The following GPHN variants were observed in gnomAD, a reference collection of about 807,000 sequenced individuals.
The protein encoded by GPHN is gephyrin.
Under a neutral mutation model 95.5 loss-of-function variants are expected in GPHN, and 17 were observed. That is an observed-to-expected ratio of 0.18 (90% CI 0.12 to 0.27). GPHN has a LOEUF of 0.27. GPHN is among the 10% of genes least tolerant of loss of function. The probability of loss-of-function intolerance (pLI) is 1.00; values close to 1 mark genes in which losing one functional copy is unlikely to be tolerated. For missense variants in GPHN, 660 were observed against 978.1 expected, an observed-to-expected ratio of 0.67 and a Z score of 4.34; for synonymous variants, 320 against 322.5, an observed-to-expected ratio of 0.99 and a Z score of 0.08.
At chr14:66,959,516 T>C (rs543305906) in intron 8 of GPHN, among the ~76,000 whole-genome samples, 5 of 152,228 alleles carry the variant, frequency 3.3e-5, no homozygotes, top group Admixed American at 3.3e-4. Context: ...TCTTCGTTTT[T>C]GAAGTTTAGT....
the GPHN span, among the ~76,000 whole-genome samples, chr14:67,463,109 C>G: frequency 6.6e-6 from 1 of 152,150 alleles, no homozygotes; most frequent in Admixed American, 6.5e-5. Context: ...GTGAAAAATC[C>G]CTGTGGCAAT....
chr14:67,408,291 TAAATAAATA>T, the GPHN span, among the ~76,000 whole-genome samples: 2 of 95,914 alleles, frequency 2.1e-5, no homozygotes, highest in African/African-American at 5.3e-5. Flanking sequence ...GGTCTCAAAA[TAAATAAATA>T]AAATAAAATA....
chr14:67,464,024 CT>C, the GPHN span, among the ~76,000 whole-genome samples: 3 of 152,062 alleles, frequency 2.0e-5, no homozygotes, highest in Admixed American at 2.0e-4. Flanking sequence ...ACAGGCCCAG[CT>C]CACAGAGGTT....
intron 11 of GPHN, among the ~76,000 whole-genome samples, chr14:67,061,914 C>T (rs1393207823): frequency 4.6e-5 from 7 of 152,152 alleles, no homozygotes; most frequent in Admixed American, 1.3e-4. Flanking sequence ...GCTTAAGATG[C>T]TTCTCCTTTA....
the GPHN span, chr14:67,660,062 C>A: frequency 1.2e-6 from 1 of 853,202 alleles, no homozygotes; most frequent in Non-Finnish European, 1.8e-6. Flanking sequence ...GAGGCAGGGA[C>A]CATGTCTGGC....
At chr14:66,768,824 T>A (rs1373389182) in intron 2 of GPHN, among the ~76,000 whole-genome samples, 2 of 151,910 alleles carry the variant, frequency 1.3e-5, no homozygotes, top group East Asian at 3.8e-4. Context: ...TAAGCATTCA[T>A]GGGGTGAAGG....
the GPHN span, chr14:67,677,426 C>CTGGGTGCTT: frequency 4.4e-5 from 5 of 113,224 alleles, no homozygotes; most frequent in African/African-American, 1.7e-4. Context: ...CTCATCAGTC[C>CTGGGTGCTT]TGGGTGCTTG....
chr14:67,726,852 T>C, the GPHN span: 1 of 762,362 alleles, frequency 1.3e-6, no homozygotes, highest in Non-Finnish European at 2.3e-6. Context: ...ACCATTAGAG[T>C]TACTCATGGC....
At chr14:66,874,865 G>A (rs748920157) in intron 4 of GPHN, among the ~76,000 whole-genome samples, 2 of 152,108 alleles carry the variant, frequency 1.3e-5, no homozygotes, top group African/African-American at 4.8e-5. Context: ...CTTCCCCAAC[G>A]TAGCAAGACA....
chr14:66,740,242 A>G (rs921786567), intron 2 of GPHN, among the ~76,000 whole-genome samples: 1 of 152,176 alleles, frequency 6.6e-6, no homozygotes, highest in Admixed American at 6.5e-5. Flanking sequence ...CAAAAGGAAA[A>G]ACATTATGTG....
chr14:67,021,845 C>G (rs2073644710), intron 9 of GPHN, among the ~76,000 whole-genome samples: 1 of 152,104 alleles, frequency 6.6e-6, no homozygotes, highest in South Asian at 2.1e-4. Context: ...GAGCCACTTT[C>G]CATTCGCAAA....
chr14:66,937,434 G>T (rs796492902), intron 8 of GPHN, among the ~76,000 whole-genome samples: 8 of 151,060 alleles, frequency 5.3e-5, no homozygotes, highest in African/African-American at 2.0e-4. Context: ...AGGCTGGAGC[G>T]CAGTGGCACA....
chr14:66,565,662 A>G (rs2060433268), intron 1 of GPHN, among the ~76,000 whole-genome samples: 1 of 152,202 alleles, frequency 6.6e-6, no homozygotes, highest in African/African-American at 2.4e-5. Flanking sequence ...AAAATAATCA[A>G]TGTAAAAGGA....
chr14:67,395,524 T>C, the GPHN span: 28 of 1,613,958 alleles, frequency 1.7e-5, no homozygotes, highest in Middle Eastern at 3.3e-4. Context: ...CCCGCTCCTC[T>C]CGAGAACAGG....
Position 66,943,420 on chromosome 14 carries a change from G to A in GPHN, c.828+19128G>A, listed in dbSNP as rs766451113. Among the ~76,000 whole-genome samples, 89 of 152,114 alleles carry A rather than the reference G, an allele frequency of 5.9e-4. 1 individual carries two copies. The highest frequency in any genetic ancestry group is 2.1e-3 in the African/African-American group (85 of 41,418). ...CTCCTTCCAGCTTAATTAAAGATGCGGTTAGTACTACATGTCCCTAGCCTT... is the reference window on the plus strand; with the variant it reads ...CTCCTTCCAGCTTAATTAAAGATGCAGTTAGTACTACATGTCCCTAGCCTT... On this transcript the variant is annotated intron_variant, in intron 8 of 22. Coordinates refer to ENST00000478722, the MANE Select transcript of GPHN (RefSeq NM_020806.5).
intron 2 of GPHN, among the ~76,000 whole-genome samples, chr14:66,744,576 G>T (rs1595760116): frequency 6.6e-6 from 1 of 152,310 alleles, no homozygotes; most frequent in South Asian, 2.1e-4. Context: ...TTGAAAGAAT[G>T]TTGATAAATT....
the GPHN span, among the ~76,000 whole-genome samples, chr14:67,715,537 G>T: frequency 1.3e-5 from 2 of 152,178 alleles, no homozygotes; most frequent in Non-Finnish European, 1.5e-5. Context: ...CAGGCGTAAG[G>T]CCTGGGCTTA....
At chr14:67,586,238 C>T in the GPHN span, 1 of 1,156,256 alleles carries the variant, frequency 8.6e-7, no homozygotes, top group Non-Finnish European at 1.3e-6. Flanking sequence ...AATTAGTATT[C>T]CAAAGGTTCA....
chr14:66,528,192 G>A (rs1187853264), intron 1 of GPHN, among the ~76,000 whole-genome samples: 4 of 152,132 alleles, frequency 2.6e-5, no homozygotes, highest in African/African-American at 9.7e-5. Flanking sequence ...CTCTTCTTTT[G>A]CATTGATCCC....
Sources: allele counts gnomAD v4.1 joint callset (sites outside exome capture counted in the v4.1 genomes callset), GRCh38; gene constraint gnomAD v4.1.1; transcripts MANE v1.5; gene names NCBI Gene and HGNC (gene_info 2026-07-23, HGNC 2026-07-21).